The following MLLT3 variants were observed in gnomAD, a reference collection of about 807,000 sequenced individuals.
MLLT3 encodes MLLT3 super elongation complex subunit.
In MLLT3, 4 loss-of-function variants were observed where a neutral mutation model predicts 53.2. The ratio of observed to expected loss-of-function variants is 0.08; its 90% CI spans 0.04 to 0.17. MLLT3 has a LOEUF of 0.17. MLLT3 is among the 10% of genes least tolerant of loss of function. The probability of loss-of-function intolerance (pLI) is 1.00; values close to 1 mark genes in which losing one functional copy is unlikely to be tolerated. For synonymous variants in MLLT3, 283 were observed against 230.6 expected (o/e 1.23, Z -2.06); for missense variants, 569 against 684.0 (o/e 0.83, Z 1.87).
chr9:20,549,758 C>G (rs1223621463), intron 2 of MLLT3, among the ~76,000 whole-genome samples: 1 of 152,158 alleles, frequency 6.6e-6, no homozygotes, highest in Admixed American at 6.5e-5. Context: ...ACCTTTTAAT[C>G]CCACCCTGAC....
At chr9:20,496,817 C>T (rs1193448865) in intron 2 of MLLT3, among the ~76,000 whole-genome samples, 1 of 152,182 alleles carries the variant, frequency 6.6e-6, no homozygotes, top group African/African-American at 2.4e-5. Flanking sequence ...TGTCCAACTT[C>T]CTCTACAGAT....
chr9:20,351,948 A>G (rs1198635121), intron 10 of MLLT3, among the ~76,000 whole-genome samples: 1 of 152,224 alleles, frequency 6.6e-6, no homozygotes, highest in Non-Finnish European at 1.5e-5. Flanking sequence ...CGGCCTGGGA[A>G]TGCAATTAGG....
chr9:20,445,949 G>C (rs950001199), intron 4 of MLLT3, among the ~76,000 whole-genome samples: 3 of 152,066 alleles, frequency 2.0e-5, no homozygotes, highest in African/African-American at 7.2e-5. Flanking sequence ...ACCATGATAG[G>C]CTGCATTAAT....
At chr9:20,524,463 T>A (rs894567501) in intron 2 of MLLT3, among the ~76,000 whole-genome samples, 2 of 152,046 alleles carry the variant, frequency 1.3e-5, no homozygotes, top group Admixed American at 1.3e-4. Flanking sequence ...GTAATCAAAA[T>A]CATCTTCCAT....
intron 4 of MLLT3, among the ~76,000 whole-genome samples, chr9:20,424,617 C>G (rs1823097435): frequency 6.6e-6 from 1 of 151,978 alleles, no homozygotes; most frequent in South Asian, 2.1e-4. Flanking sequence ...AAACAGGCAG[C>G]AATAAAGAAA....
intron 2 of MLLT3, among the ~76,000 whole-genome samples, chr9:20,613,563 T>C (rs1820753232): frequency 6.6e-6 from 1 of 151,782 alleles, no homozygotes; most frequent in South Asian, 2.1e-4. Flanking sequence ...ATGTTTGTTA[T>C]ATCATTCTCT....
Position 20,541,155 on chromosome 9 carries a change from G to A in MLLT3, c.193+79499C>T, listed in dbSNP as rs1040498254. Among the ~76,000 whole-genome samples the A allele has an allele frequency of 4.6e-5, 7 of 152,264 alleles. No individual in the cohort carries two copies. The East Asian group carries it at 1.2e-3, about 25-fold the overall frequency. On this transcript the variant is annotated intron_variant, in intron 2 of 10. Coordinates refer to ENST00000380338, the MANE Select transcript of MLLT3 (RefSeq NM_004529.4). Reference sequence around the variant, plus strand: ...TCCTCTTCTCCATCTGAGACCACCTGTCTGGACTTCACTGTCCATATCACT... The same window carrying A: ...TCCTCTTCTCCATCTGAGACCACCTATCTGGACTTCACTGTCCATATCACT...
intron 2 of MLLT3, among the ~76,000 whole-genome samples, chr9:20,600,353 T>C (rs1820390066): frequency 6.6e-6 from 1 of 152,204 alleles, no homozygotes; most frequent in Admixed American, 6.5e-5. Context: ...CTATCCTCCA[T>C]GTTTACTGCA....
chr9:20,364,073 C>T (rs1338492776), intron 6 of MLLT3, among the ~76,000 whole-genome samples: 1 of 152,168 alleles, frequency 6.6e-6, no homozygotes, highest in Admixed American at 6.5e-5. Context: ...TCAGGTCAAG[C>T]AAGCATTTCA....
chr9:20,346,365 C>T lies in MLLT3; in HGVS notation c.*78G>A, dbSNP rs928472023. On this transcript the variant is annotated 3_prime_UTR_variant, in exon 11 of 11. Coordinates refer to ENST00000380338, the MANE Select transcript of MLLT3 (RefSeq NM_004529.4). ...AGTGTTTTCATATAAACAACAAGAA[C>T]AAAAAATCACAACCAAAAAAAAAAA... The T allele has an allele frequency of 1.6e-6, 2 of 1,248,954 alleles. No individual in the cohort carries two copies. The highest frequency in any genetic ancestry group is 2.9e-5 in the African/African-American group (1 of 34,742). 77.4% of individuals were successfully genotyped at this position (1,248,954 alleles called of 1,614,324 possible).
chr9:20,515,642 T>C (rs1817892841), intron 2 of MLLT3, among the ~76,000 whole-genome samples: 2 of 152,216 alleles, frequency 1.3e-5, no homozygotes, highest in Admixed American at 1.3e-4. Flanking sequence ...CAAAATCTTT[T>C]AGAATGGCCA....
chr9:20,596,293 G>T (rs577701304), intron 2 of MLLT3, among the ~76,000 whole-genome samples: 1 of 152,182 alleles, frequency 6.6e-6, no homozygotes, highest in African/African-American at 2.4e-5. Flanking sequence ...TGAATTACCA[G>T]GAAAACTATG....
At chr9:20,563,295 C>CTT (rs5896905) in intron 2 of MLLT3, among the ~76,000 whole-genome samples, 17 of 150,318 alleles carry the variant, frequency 1.1e-4, no homozygotes, top group South Asian at 4.2e-4. Context: ...ATCTAAAACA[C>CTT]TTTTTTTTTT....
chr9:20,433,818 C>CA (rs1823336107), intron 4 of MLLT3, among the ~76,000 whole-genome samples: 1 of 151,826 alleles, frequency 6.6e-6, no homozygotes, highest in African/African-American at 2.4e-5. Context: ...CTTTTGCTAT[C>CA]AAAATAAAGG....
intron 2 of MLLT3, among the ~76,000 whole-genome samples, chr9:20,519,044 T>C (rs919853918): frequency 6.6e-6 from 1 of 152,178 alleles, no homozygotes; most frequent in Non-Finnish European, 1.5e-5. Context: ...TGTTTTTAAA[T>C]CATTAAATAG....
intron 2 of MLLT3, among the ~76,000 whole-genome samples, chr9:20,512,584 T>C (rs983489462): frequency 1.3e-5 from 2 of 152,242 alleles, no homozygotes; most frequent in Non-Finnish European, 2.9e-5. Context: ...CAAGTGTTTT[T>C]ATCCTATACA....
intron 2 of MLLT3, among the ~76,000 whole-genome samples, chr9:20,528,874 C>A (rs538841963): frequency 6.6e-6 from 1 of 152,342 alleles, no homozygotes; most frequent in African/African-American, 2.4e-5. Context: ...CCTACAACAG[C>A]AGCCTACTGT....
intron 2 of MLLT3, among the ~76,000 whole-genome samples, chr9:20,587,885 C>A (rs1316040960): frequency 3.3e-5 from 5 of 152,064 alleles, no homozygotes; most frequent in Non-Finnish European, 7.4e-5. Flanking sequence ...GTTGACATTG[C>A]TTTTGGTGTT....
chr9:20,365,530 T>C, intron 6 of MLLT3, 139 bp downstream of exon 6: 1 of 979,960 alleles, frequency 1.0e-6, no homozygotes, highest in Non-Finnish European at 1.5e-6. Context: ...GTAGAGACGT[T>C]TACTAAACAC....
Sources: allele counts gnomAD v4.1 joint callset (sites outside exome capture counted in the v4.1 genomes callset), GRCh38; gene constraint gnomAD v4.1.1; transcripts MANE v1.5; gene names NCBI Gene and HGNC (gene_info 2026-07-23, HGNC 2026-07-21).